Variants in CCDC88C observed in about 807,000 individuals in gnomAD.
CCDC88C encodes the protein coiled-coil and HOOK domain protein 88C, also known as protein Daple.
CCDC88C carries 131 observed loss-of-function variants against 198.8 expected under a neutral mutation model. The observed-to-expected ratio is 0.66, with a 90% CI of 0.57 to 0.76. The LOEUF is 0.76. Among genes scored for constraint, CCDC88C ranks in the 30% least tolerant of loss-of-function variants. The pLI, the probability that CCDC88C is intolerant of heterozygous loss-of-function variation, is 0.00. For missense variants in CCDC88C, 2,553 were observed against 2,631.6 expected (o/e 0.97, Z 0.65); for synonymous variants, 1,166 against 1,114.7 (o/e 1.05, Z -0.92).
intron 10 of CCDC88C, among the ~76,000 whole-genome samples, chr14:91,336,082 T>C (rs1893030749): frequency 6.6e-6 from 1 of 152,210 alleles, no homozygotes; most frequent in African/African-American, 2.4e-5. Flanking sequence ...GAATACGAAA[T>C]CTAAGGCATT....
intron 4 of CCDC88C, among the ~76,000 whole-genome samples, chr14:91,357,424 T>C (rs1894086543): frequency 6.6e-6 from 1 of 152,208 alleles, no homozygotes; most frequent in Non-Finnish European, 1.5e-5. Flanking sequence ...GGCTAACTTT[T>C]TTATTTTTTG....
chr14:91,357,717 A>G (rs1894104433), intron 4 of CCDC88C, among the ~76,000 whole-genome samples: 1 of 152,272 alleles, frequency 6.6e-6, no homozygotes, highest in Non-Finnish European at 1.5e-5. Context: ...AGTTCTGCTC[A>G]GCAAAACAGG....
At position 91,272,946 on chromosome 14, in the gene CCDC88C, G is replaced by A. The variant is rs1889799856; in HGVS notation, c.5766C>T (p.Ser1922=). The A allele has an allele frequency of 6.4e-7, 1 of 1,561,720 alleles. No homozygotes were observed. Among genetic ancestry groups the A allele is most frequent in the African/African-American group, 1.3e-5 (1 of 74,100 alleles). ...GTGAGAAGTGCAGGAGCTGGGAGTT[G>A]CTGCCACTGCCAGCAGCAGCAGCAC... is the stretch of plus-strand genomic sequence containing the variant. The part of the protein sequence containing the change: ...GAGAAAAGSG[S]NSQLLHFSPA... Residue 1922 remains serine (S), a synonymous_variant, in exon 30 of 30, where the codon AGC becomes AGT. Transcript: ENST00000389857.
intron 2 of CCDC88C, among the ~76,000 whole-genome samples, chr14:91,412,058 T>C (rs1886820205): frequency 6.6e-6 from 1 of 151,948 alleles, no homozygotes; most frequent in African/African-American, 2.4e-5. Context: ...GCCCCCCTCC[T>C]TTGGGAAAGC....
chr14:91,311,546 T>C (rs1232000458), intron 15 of CCDC88C, among the ~76,000 whole-genome samples: 1 of 152,210 alleles, frequency 6.6e-6, no homozygotes, highest in Non-Finnish European at 1.5e-5. Context: ...AGCCTCAAGA[T>C]GGCAGAAGCC....
At chr14:91,416,662 A>G (rs1887071044) in intron 2 of CCDC88C, 76 bp downstream of exon 2, 3 of 1,088,940 alleles carry the variant, frequency 2.8e-6, no homozygotes, top group South Asian at 2.7e-5. Context: ...CCCGCCATGC[A>G]ACCTTCCACT....
At chr14:91,319,575 C>A (rs781290389) in intron 13 of CCDC88C, among the ~76,000 whole-genome samples, 1 of 152,226 alleles carries the variant, frequency 6.6e-6, no homozygotes, top group African/African-American at 2.4e-5. Context: ...GTCAACAACT[C>A]AACGTCTGGT....
chr14:91,326,045 T>C lies in CCDC88C; in HGVS notation c.1062A>G (p.Glu354=), dbSNP rs374390587. Residue 354 remains glutamate (E), a synonymous_variant, in exon 11 of 30, where the codon GAA becomes GAG. Coordinates refer to ENST00000389857, the MANE Select transcript of CCDC88C (RefSeq NM_001080414.4). The part of the protein sequence containing the change: ...FYKARMEELR[E]DNIILIETKA... ...TGGTTTCAATTAAAATGATATTATC[T>C]TCTCTCAGCTCCTGGTTAGCAAAAA... 132 of 1,609,228 alleles carry C rather than the reference T, an allele frequency of 8.2e-5. 1 individual carries two copies. The African/African-American group carries it at 1.7e-3, about 21-fold the overall frequency.
rs185023126 is a variant in CCDC88C, at chr14:91,386,774, G to A, written c.270+21885C>T. Among the ~76,000 whole-genome samples, 159 of 152,274 alleles carry A rather than the reference G, an allele frequency of 1.0e-3. 1 individual carries two copies. The highest frequency in any genetic ancestry group is 3.5e-3 in the African/African-American group (146 of 41,542). On this transcript the variant is annotated intron_variant, in intron 3 of 29. Coordinates refer to ENST00000389857, the MANE Select transcript of CCDC88C (RefSeq NM_001080414.4). ...AGAGGCCAGCACACTTTCTCCTCAC[G>A]CCCAGCGCCAAAACAGCCCTGGGCT...
intron 3 of CCDC88C, among the ~76,000 whole-genome samples, chr14:91,365,028 CTGGGTGG>C (rs1567100636): frequency 6.6e-6 from 1 of 152,156 alleles, no homozygotes; most frequent in Non-Finnish European, 1.5e-5. Context: ...GACGCCCATG[CTGGGTGG>C]TGGGGCCACT....
At chr14:91,390,837 G>C (rs975994346) in intron 3 of CCDC88C, among the ~76,000 whole-genome samples, 1 of 152,180 alleles carries the variant, frequency 6.6e-6, no homozygotes, top group Non-Finnish European at 1.5e-5. Context: ...CAGAACCAGA[G>C]AGCGCAGAGG....
chr14:91,340,112 AACC>A, intron 6 of CCDC88C, 88 bp from the exon 7 acceptor site: 1 of 1,519,516 alleles, frequency 6.6e-7, no homozygotes, highest in Non-Finnish European at 8.9e-7. Flanking sequence ...CCTTCCAATC[AACC>A]TTACTAATCC....
chr14:91,337,933 A>G, intron 10 of CCDC88C, 72 bp downstream of exon 10: 2 of 1,569,438 alleles, frequency 1.3e-6, no homozygotes, highest in Non-Finnish European at 1.7e-6. Flanking sequence ...CCCCAAGGAC[A>G]GGTCAGTCTG....
chr14:91,359,609 A>G, intron 4 of CCDC88C, 33 bp downstream of exon 4: 1 of 1,571,808 alleles, frequency 6.4e-7, no homozygotes, highest in Non-Finnish European at 8.7e-7. Flanking sequence ...CTGGCTGGGC[A>G]CCACAGGGGA....
rs565141763 is a variant in CCDC88C at position 91,273,043 on chromosome 14, G to T, written c.5669C>A (p.Pro1890His). The T allele has an allele frequency of 1.4e-5, 21 of 1,555,128 alleles. No individual in the cohort carries two copies. In the South Asian group the frequency reaches 2.3e-4, roughly 17 times the overall value. Reference sequence around the variant, plus strand: ...GGGGGCCAGCCTCTCCTCCTTTGGGGGAGCCAGGGAGAAGCGCCTCGTGTC... The same window carrying T: ...GGGGGCCAGCCTCTCCTCCTTTGGGTGAGCCAGGGAGAAGCGCCTCGTGTC... The part of the protein sequence containing the change: ...PLDTRRFSLA[P>H]PKEERLAPLH... Residue 1890 changes from proline to histidine, a missense_variant, in exon 30 of 30, where the codon CCC becomes CAC. This residue lies in a region of CCDC88C where 1,293 missense variants were observed against 1,219.6 expected (regional missense o/e 1.06). Transcript: ENST00000389857. This position sits in a 1 kb window ranked among gnomAD's most constrained non-coding sequence, Gnocchi z 5.6.
At chr14:91,299,900 T>A in intron 21 of CCDC88C, 27 bp downstream of exon 21, 3 of 1,561,624 alleles carry the variant, frequency 1.9e-6, no homozygotes, top group Non-Finnish European at 2.6e-6. Flanking sequence ...GGTGCTGCTA[T>A]GTGCAGGGCC....
Position 91,339,204 on chromosome 14 carries a change from A to T in CCDC88C, c.809+74T>A. On this transcript the variant is annotated intron_variant, in intron 8 of 29. Transcript: ENST00000389857. The surrounding 1 kb of genome is among the most constrained non-coding windows in gnomAD (Gnocchi z 5.8). ...AGAGCTGTGCCATTGGCAGCACCAC[A>T]CATGTGAGTCGACACCACACCAGAA... 6.5e-7 allele frequency: 1 copy of T among 1,544,212 alleles called. No individual in the cohort carries two copies. Among genetic ancestry groups the T allele is most frequent in the Non-Finnish European group, 8.8e-7 (1 of 1,131,210 alleles).
At chr14:91,328,322 ACCT>A (rs887352462) in intron 10 of CCDC88C, among the ~76,000 whole-genome samples, 7 of 152,082 alleles carry the variant, frequency 4.6e-5, no homozygotes. Context: ...CTGCACCACC[ACCT>A]CTGAAATGAG....
chr14:91,354,195 C>T (rs1893938463), intron 4 of CCDC88C, among the ~76,000 whole-genome samples: 1 of 152,166 alleles, frequency 6.6e-6, no homozygotes, highest in South Asian at 2.1e-4. Flanking sequence ...GGATACAAAC[C>T]CTGGAAGAAA....
Sources: allele counts gnomAD v4.1 joint callset (sites outside exome capture counted in the v4.1 genomes callset), GRCh38; gene constraint gnomAD v4.1.1; regional missense constraint gnomAD v4.1.1; non-coding constraint Gnocchi (gnomAD v3.1); transcripts MANE v1.5; gene names NCBI Gene and HGNC (gene_info 2026-07-23, HGNC 2026-07-21).